The following RGS6 variants were observed in gnomAD, a reference collection of about 807,000 sequenced individuals.
RGS6 encodes the protein regulator of G-protein signaling 6.
RGS6 carries 30 observed loss-of-function variants against 78.5 expected under a neutral mutation model. That is an observed-to-expected ratio of 0.38 (90% CI 0.29 to 0.52). The LOEUF (loss-of-function observed/expected upper bound fraction) is 0.52. Ranked by LOEUF, RGS6 falls within the 20% of genes least tolerant of loss-of-function variation. The pLI is 0.85. For missense variants in RGS6, 495 were observed against 609.7 expected (o/e 0.81, Z 1.98); for synonymous variants, 206 against 206.0 (o/e 1.00, Z 0.00).
intron 2 of RGS6, among the ~76,000 whole-genome samples, chr14:72,205,095 C>G (rs1285516524): frequency 6.6e-6 from 1 of 152,188 alleles, no homozygotes; most frequent in Non-Finnish European, 1.5e-5. Flanking sequence ...ATTCCTACAT[C>G]TTCTTCCCAG....
chr14:71,895,643 G>T, the RGS6 span, among the ~76,000 whole-genome samples: 2 of 152,182 alleles, frequency 1.3e-5, no homozygotes, highest in South Asian at 4.1e-4. Context: ...GTCTTAATGG[G>T]CAATGAGAAG....
Position 72,454,496 on chromosome 14 carries a change from G to A in RGS6, c.185-32G>A, listed in dbSNP as rs1170802555. 5 of 1,608,880 alleles carry A rather than the reference G, an allele frequency of 3.1e-6. No individual in the cohort carries two copies. In the African/African-American group the frequency reaches 5.3e-5, roughly 17 times the overall value. ...CTGCCACAGTGTTAAACACCCAGGA[G>A]GTCTTCAGCTGAAATTGCTTTATCG... On this transcript the variant is annotated intron_variant, in intron 3 of 17. Transcript: ENST00000553525.
intron 13 of RGS6, among the ~76,000 whole-genome samples, chr14:72,497,367 A>G (rs2096659121): frequency 6.6e-6 from 1 of 152,192 alleles, no homozygotes; most frequent in African/African-American, 2.4e-5. Flanking sequence ...AGATTCTAGC[A>G]ATATGTTTTG....
intron 3 of RGS6, among the ~76,000 whole-genome samples, chr14:72,411,601 A>C (rs905506656): frequency 3.9e-5 from 6 of 152,118 alleles, no homozygotes; most frequent in Non-Finnish European, 5.9e-5. Context: ...TTCCAACACT[A>C]TGTTGAATAG....
intron 1 of RGS6, among the ~76,000 whole-genome samples, chr14:71,955,482 G>A (rs1394741126): frequency 6.6e-6 from 1 of 152,168 alleles, no homozygotes; most frequent in African/African-American, 2.4e-5. Flanking sequence ...TCCATAGATA[G>A]AGCAGCCCTG....
intron 13 of RGS6, among the ~76,000 whole-genome samples, chr14:72,502,671 G>A (rs1468777690): frequency 6.6e-6 from 1 of 152,180 alleles, no homozygotes; most frequent in Non-Finnish European, 1.5e-5. Context: ...GCCTGAGGCA[G>A]GAGAATAGTT....
At chr14:71,937,765 G>A (rs191195637) in intron 1 of RGS6, among the ~76,000 whole-genome samples, 1 of 152,316 alleles carries the variant, frequency 6.6e-6, no homozygotes, top group Non-Finnish European at 1.5e-5. Context: ...GTGCAGGATA[G>A]GCAAACCCAT....
intron 2 of RGS6, among the ~76,000 whole-genome samples, chr14:72,300,237 T>A (rs2065772951): frequency 6.6e-6 from 1 of 152,164 alleles, no homozygotes; most frequent in Non-Finnish European, 1.5e-5. Flanking sequence ...TAACATAGAT[T>A]TCCAAACTCT....
chr14:72,479,428 G>A (rs980147442), intron 12 of RGS6, among the ~76,000 whole-genome samples: 1 of 152,174 alleles, frequency 6.6e-6, no homozygotes, highest in African/African-American at 2.4e-5. Context: ...ATAGTTAGCA[G>A]CATTCCTGAC....
intron 2 of RGS6, among the ~76,000 whole-genome samples, chr14:72,245,217 G>A (rs559663948): frequency 6.6e-6 from 1 of 152,208 alleles, no homozygotes; most frequent in African/African-American, 2.4e-5. Context: ...TGTGGCATGG[G>A]AATCTTCACA....
intron 2 of RGS6, among the ~76,000 whole-genome samples, chr14:72,024,508 C>G (rs2089435307): frequency 6.6e-6 from 1 of 152,206 alleles, no homozygotes; most frequent in African/African-American, 2.4e-5. Context: ...CATATTTTCT[C>G]AGAAATTCGT....
the RGS6 span, among the ~76,000 whole-genome samples, chr14:71,886,372 C>T: frequency 6.6e-6 from 1 of 152,222 alleles, no homozygotes; most frequent in Non-Finnish European, 1.5e-5. Context: ...ATTAACGTCA[C>T]TGTGCACATT....
intron 2 of RGS6, among the ~76,000 whole-genome samples, chr14:72,185,077 C>T (rs994340542): frequency 5.3e-5 from 8 of 152,112 alleles, no homozygotes; most frequent in South Asian, 2.1e-4. Context: ...GTCCAAAAGC[C>T]GAAGAACTTG....
intron 2 of RGS6, among the ~76,000 whole-genome samples, chr14:72,144,543 T>C (rs1251251694): frequency 4.6e-5 from 7 of 152,184 alleles, no homozygotes; most frequent in Admixed American, 2.0e-4. Context: ...AAAATGGCAT[T>C]CTCCATTTAT....
In RGS6 at chr14:72,324,360, T is replaced by C. The variant is rs2152534326; in HGVS notation, c.85-27735T>C. Among the ~76,000 whole-genome samples, 6 of 152,084 alleles carry C rather than the reference T, an allele frequency of 3.9e-5. No homozygotes were observed. The Middle Eastern group carries it at 0.017, about 434-fold the overall frequency. On this transcript the variant is annotated intron_variant, in intron 2 of 17. Transcript: ENST00000553525. Reference sequence around the variant, plus strand: ...CTGAGAAAAATCATTTACAAAGGACTATTCTTTTTTTTTTAATTTAAGTTC... The same window carrying C: ...CTGAGAAAAATCATTTACAAAGGACCATTCTTTTTTTTTTAATTTAAGTTC...
At chr14:72,135,618 T>G (rs77632779) in intron 2 of RGS6, among the ~76,000 whole-genome samples, 2 of 133,338 alleles carry the variant, frequency 1.5e-5, no homozygotes, top group Admixed American at 8.3e-5. Context: ...CCTAATATTC[T>G]TTTTTTTTTC....
rs772654147 is a variant in RGS6, at chr14:72,562,412, T to A, written c.1423-5T>A. On this transcript the variant is annotated splice_region_variant and splice_polypyrimidine_tract_variant and intron_variant, in intron 17 of 17. Transcript: ENST00000553525. The stretch of plus-strand genomic sequence containing the variant: ...GCGTGCCTCTCTGTCGCTGTCTCTC[T>A]GCAGGGAAAGTCGCTGGCGGGCAAG... 1 of 1,612,686 alleles carries A rather than the reference T, an allele frequency of 6.2e-7. No individual in the cohort carries two copies. The highest frequency in any genetic ancestry group is 8.5e-7 in the Non-Finnish European group (1 of 1,180,024).
chr14:72,406,245 G>A (rs1351090952), intron 3 of RGS6, among the ~76,000 whole-genome samples: 5 of 152,188 alleles, frequency 3.3e-5, no homozygotes, highest in East Asian at 3.9e-4. Context: ...TCAGCCGGGC[G>A]CAGTGGCACA....
chr14:72,069,475 T>A (rs1177522870), intron 2 of RGS6, among the ~76,000 whole-genome samples: 1 of 152,234 alleles, frequency 6.6e-6, no homozygotes, highest in Admixed American at 6.5e-5. Context: ...TCCTCTCTTG[T>A]GCTGTATACT....
Sources: gnomAD v4.1 joint callset for allele counts (sites outside exome capture counted in the v4.1 genomes callset) on GRCh38, gnomAD v4.1.1 for gene constraint, MANE v1.5 for transcripts, NCBI Gene and HGNC (gene_info 2026-07-23, HGNC 2026-07-21) for gene names.